The following NAV2 variants were observed in gnomAD, a reference collection of about 807,000 sequenced individuals.
NAV2 encodes the protein neuron navigator 2, also known as helicase, APC down-regulated 1.
In NAV2, 54 loss-of-function variants were observed where a neutral mutation model predicts 223.2. That is an observed-to-expected ratio of 0.24 (90% CI 0.19 to 0.30). The LOEUF (loss-of-function observed/expected upper bound fraction) is 0.30. NAV2 is among the 10% of genes least tolerant of loss of function. The pLI is 1.00. For missense variants in NAV2, 2,806 were observed against 3,147.5 expected (o/e 0.89, Z 2.60); for synonymous variants, 1,279 against 1,239.3 (o/e 1.03, Z -0.67).
chr11:19,874,804 G>A (rs145180553), intron 4 of NAV2, among the ~76,000 whole-genome samples: 143 of 152,342 alleles, frequency 9.4e-4, no homozygotes, highest in African/African-American at 3.2e-3. Context: ...TGATGGGAAT[G>A]TAAAAACTGA....
intron 1 of NAV2, among the ~76,000 whole-genome samples, chr11:19,606,714 C>T (rs929902118): frequency 4.6e-5 from 7 of 152,240 alleles, no homozygotes; most frequent in Admixed American, 3.3e-4. Flanking sequence ...TTACCTCTGC[C>T]AAGAGATATG....
At chr11:19,383,496 C>A (rs534680798) in intron 1 of NAV2, among the ~76,000 whole-genome samples, 5 of 152,314 alleles carry the variant, frequency 3.3e-5, no homozygotes, top group East Asian at 1.9e-4. Context: ...CTGCTCCCAA[C>A]AATATAGACC....
At chr11:19,510,071 G>A (rs1371814505) in intron 1 of NAV2, among the ~76,000 whole-genome samples, 6 of 152,190 alleles carry the variant, frequency 3.9e-5, no homozygotes, top group Non-Finnish European at 8.8e-5. Flanking sequence ...TATGCAAGTT[G>A]GAGAAATACC....
At chr11:20,022,989 GGTGC>G in intron 11 of NAV2, 1 of 1,441,558 alleles carries the variant, frequency 6.9e-7, no homozygotes, top group Non-Finnish European at 9.5e-7. Flanking sequence ...AGAGTTGCTG[GGTGC>G]CTGGGATTCC....
At chr11:19,492,568 C>T (rs971277378) in intron 1 of NAV2, among the ~76,000 whole-genome samples, 1 of 152,046 alleles carries the variant, frequency 6.6e-6, no homozygotes, top group African/African-American at 2.4e-5. Flanking sequence ...CTGGAAGGGG[C>T]CAGCTTCCAC....
intron 24 of NAV2, 49 bp downstream of exon 24, chr11:20,078,153 G>A (rs1481325384): frequency 2.2e-6 from 3 of 1,350,838 alleles, no homozygotes; most frequent in Admixed American, 1.8e-5. Context: ...CTGCCCTTAG[G>A]AGCCCTCCCC....
chr11:19,411,239 A>G (rs577587462), intron 1 of NAV2, among the ~76,000 whole-genome samples: 10 of 152,154 alleles, frequency 6.6e-5, no homozygotes, highest in Non-Finnish European at 1.5e-4. Context: ...AGCAGGAGGT[A>G]CTTCAGTTCT....
At chr11:20,013,024 T>C (rs1035998685) in intron 11 of NAV2, among the ~76,000 whole-genome samples, 7 of 152,096 alleles carry the variant, frequency 4.6e-5, no homozygotes, top group African/African-American at 9.7e-5. Context: ...GTAAACACCA[T>C]GATAAGAACT....
At chr11:20,063,666 C>T (rs987746150) in intron 20 of NAV2, among the ~76,000 whole-genome samples, 2 of 152,170 alleles carry the variant, frequency 1.3e-5, no homozygotes, top group East Asian at 1.9e-4. Context: ...TGAGCCACCG[C>T]GCATGGCTAT....
intron 1 of NAV2, chr11:19,591,228 C>T (rs1352242): frequency 0.97 from 147,379 of 152,356 alleles, 71,474 homozygotes; most frequent in East Asian, 1. Context: ...TTTCTCAATG[C>T]AGCCCCATTA....
At chr11:19,429,820 G>A (rs2133583675) in intron 1 of NAV2, among the ~76,000 whole-genome samples, 1 of 152,310 alleles carries the variant, frequency 6.6e-6, no homozygotes, top group African/African-American at 2.4e-5. Context: ...TTGCTGAGTG[G>A]CCTGAAGTCA....
At chr11:19,668,257 G>A (rs745882753) in intron 1 of NAV2, among the ~76,000 whole-genome samples, 1 of 152,148 alleles carries the variant, frequency 6.6e-6, no homozygotes, top group African/African-American at 2.4e-5. Flanking sequence ...TATCCCTAAG[G>A]CTGGGCATGG....
intron 1 of NAV2, chr11:19,778,428 A>T: frequency 4.4e-6 from 2 of 453,856 alleles, no homozygotes; most frequent in Non-Finnish European, 4.4e-6. Context: ...AGGATTCAGT[A>T]AGAAATAGGT....
intron 1 of NAV2, among the ~76,000 whole-genome samples, chr11:19,499,678 A>C (rs2042903566): frequency 6.6e-6 from 1 of 152,166 alleles, no homozygotes; most frequent in African/African-American, 2.4e-5. Flanking sequence ...CCCATCTTTC[A>C]GGGTTATTGT....
intron 6 of NAV2, among the ~76,000 whole-genome samples, chr11:19,905,052 A>T (rs1685449875): frequency 6.6e-6 from 1 of 152,162 alleles, no homozygotes; most frequent in African/African-American, 2.4e-5. Flanking sequence ...TGGTTCCCTT[A>T]AAAGTATTCA....
At chr11:19,893,540 G>A (rs577090816) in intron 6 of NAV2, among the ~76,000 whole-genome samples, 158 of 152,254 alleles carry the variant, frequency 1.0e-3, no homozygotes, top group Non-Finnish European at 1.4e-3. Flanking sequence ...GCTGGGAACC[G>A]CCGCCATTTT....
At position 20,068,288 on chromosome 11, in the gene NAV2, C is replaced by T. The variant is rs1235658717; in HGVS notation, c.4909-36C>T. 2.5e-6 allele frequency: 4 copies of T among 1,611,452 alleles called. No individual in the cohort carries two copies. In the South Asian group the frequency reaches 3.3e-5, roughly 13 times the overall value. ...ACCCTGCTCACCTTGGAAATGGACCCCCAAAGCATGTAACCCTCTCCCTTG... is the reference window on the plus strand; with the variant it reads ...ACCCTGCTCACCTTGGAAATGGACCTCCAAAGCATGTAACCCTCTCCCTTG... On this transcript the variant is annotated intron_variant, in intron 21 of 37. Coordinates refer to ENST00000349880, the MANE Select transcript of NAV2 (RefSeq NM_145117.5).
In NAV2 at chr11:20,045,599, G is replaced by A; in HGVS notation, c.3831G>A (p.Val1277=). 6.2e-7 allele frequency: 1 copy of A among 1,614,226 alleles called. No individual in the cohort carries two copies. The highest frequency in any genetic ancestry group is 1.1e-5 in the South Asian group (1 of 91,086). The change falls in exon 14 of 38, where the codon GTG becomes GTA. Residue 1277 remains valine, a synonymous_variant. Coordinates refer to ENST00000349880, the MANE Select transcript of NAV2 (RefSeq NM_145117.5). Reference sequence around the variant, plus strand: ...AAGTGAATCCGGCAGCCCAGCCTGTGTCCAGTCCGGCTCAGACCAGTCTCC... The same window carrying A: ...AAGTGAATCCGGCAGCCCAGCCTGTATCCAGTCCGGCTCAGACCAGTCTCC... ...SVKVNPAAQP[V]SSPAQTSLQP...
At chr11:19,388,971 G>T (rs544116430) in intron 1 of NAV2, among the ~76,000 whole-genome samples, 1 of 152,178 alleles carries the variant, frequency 6.6e-6, no homozygotes, top group African/African-American at 2.4e-5. Flanking sequence ...CAGAGTTAAT[G>T]ATCTCCCTAC....
Sources: allele counts gnomAD v4.1 joint callset (sites outside exome capture counted in the v4.1 genomes callset), GRCh38; gene constraint gnomAD v4.1.1; transcripts MANE v1.5; gene names NCBI Gene and HGNC (gene_info 2026-07-23, HGNC 2026-07-21).